Variants in ANKFY1 observed in about 807,000 individuals in gnomAD.
ANKFY1 encodes the protein ankyrin repeat and FYVE domain containing 1, also known as ankyrin repeat and FYVE domain-containing protein 1.
ANKFY1 carries 47 observed loss-of-function variants against 128.3 expected under a neutral mutation model. That is an observed-to-expected ratio of 0.37 (90% CI 0.29 to 0.47). The LOEUF is 0.47. Among genes scored for constraint, ANKFY1 ranks in the 20% least tolerant of loss-of-function variants. ANKFY1 has a pLI of 1.00. For synonymous variants in ANKFY1, 553 were observed against 601.6 expected (o/e 0.92, Z 1.18); for missense variants, 1,222 against 1,510.6 (o/e 0.81, Z 3.17).
intron 11 of ANKFY1, among the ~76,000 whole-genome samples, chr17:4,185,288 C>T (rs897083073): frequency 6.6e-6 from 1 of 152,100 alleles, no homozygotes; most frequent in East Asian, 1.9e-4. Context: ...TCACTGCAAC[C>T]TTTGCCTCCC....
At chr17:4,247,270 A>C (rs1967593731) in intron 1 of ANKFY1, among the ~76,000 whole-genome samples, 1 of 152,206 alleles carries the variant, frequency 6.6e-6, no homozygotes, top group African/African-American at 2.4e-5. Context: ...ATTTCCTTAA[A>C]TATCAGTTAT....
intron 5 of ANKFY1, among the ~76,000 whole-genome samples, chr17:4,208,820 C>A (rs767938417): frequency 6.6e-6 from 1 of 152,078 alleles, no homozygotes; most frequent in Non-Finnish European, 1.5e-5. Context: ...TTTGGGAGGC[C>A]GAGGTGGGCG....
chr17:4,164,492 G>GGTA lies in ANKFY1; in HGVS notation c.*3284_*3286dup, dbSNP rs1597990085. 1 of 152,396 alleles carries GGTA rather than the reference G, an allele frequency of 6.6e-6. No individual in the cohort carries two copies. The highest frequency in any genetic ancestry group is 1.9e-4 in the East Asian group (1 of 5,198). 9.4% of individuals were successfully genotyped at this position (152,396 alleles called of 1,614,324 possible). A position where few individuals can be genotyped will look rare whatever the true frequency, so the allele number is the denominator to read the frequency against. On this transcript the variant is annotated 3_prime_UTR_variant, in exon 25 of 25. Transcript: ENST00000341657. ...TGGGGTGGGGAGCTTTGGTGCTTCA[G>GGTA]GTAGTTCTTCTGGGACTTGTCCCAA...
intron 4 of ANKFY1, among the ~76,000 whole-genome samples, chr17:4,212,945 A>T (rs1020091407): frequency 6.9e-6 from 1 of 144,336 alleles, no homozygotes; most frequent in African/African-American, 2.5e-5. Context: ...TAATTTTTGT[A>T]TTTTTTTTTT....
At chr17:4,257,759 A>C (rs1010611266) in intron 1 of ANKFY1, among the ~76,000 whole-genome samples, 1 of 152,196 alleles carries the variant, frequency 6.6e-6, no homozygotes, top group African/African-American at 2.4e-5. Flanking sequence ...AATAAGCTTT[A>C]GTTCTGGCTA....
rs1280986062 is a variant in ANKFY1, at chr17:4,197,564, A to G, written c.912T>C (p.Ala304=). Residue 304 remains alanine, a synonymous_variant, in exon 8 of 25, where the codon GCT becomes GCC. Coordinates refer to ENST00000341657, the MANE Select transcript of ANKFY1 (RefSeq NM_001330063.2). ...HKGIQRGDLF[A]ATFLIKNGAF... The stretch of plus-strand genomic sequence containing the variant: ...CCCCATTCTTAATGAGGAAAGTGGC[A>G]GCAAAGAGATCTCCTTGAAAAGAAA... 4.3e-6 allele frequency: 7 copies of G among 1,614,044 alleles called. No homozygotes were observed. In the Admixed American group the frequency reaches 1.2e-4, roughly 27 times the overall value.
intron 3 of ANKFY1, among the ~76,000 whole-genome samples, chr17:4,225,894 G>A (rs967540089): frequency 6.6e-6 from 1 of 152,008 alleles, no homozygotes; most frequent in Non-Finnish European, 1.5e-5. Flanking sequence ...CTAAGTAACT[G>A]GGACCACAGG....
chr17:4,251,827 G>C (rs1488247101), intron 1 of ANKFY1, among the ~76,000 whole-genome samples: 1 of 152,082 alleles, frequency 6.6e-6, no homozygotes, highest in Non-Finnish European at 1.5e-5. Context: ...TTGAGGTCAG[G>C]AGTTTGAGAC....
chr17:4,209,580 C>T (rs2060089652), intron 5 of ANKFY1, among the ~76,000 whole-genome samples: 3 of 152,202 alleles, frequency 2.0e-5, no homozygotes, highest in African/African-American at 7.2e-5. Context: ...GAATTGCAGG[C>T]GTGAGCCACC....
At position 4,181,297 on chromosome 17, in the gene ANKFY1, T is replaced by C. The variant is rs750279785; in HGVS notation, c.2197A>G (p.Ile733Val). The change falls in exon 16 of 25, where the codon ATT (isoleucine) becomes GTT (valine). Residue 733 changes from isoleucine (I) to valine (V), a missense_variant. Coordinates refer to ENST00000341657, the MANE Select transcript of ANKFY1 (RefSeq NM_001330063.2). This position sits in a 1 kb window ranked among gnomAD's most constrained non-coding sequence, Gnocchi z 4.9. Reference protein sequence around the residue: ...GCLQTLLHRAIDENNEPTACF... With the variant: ...GCLQTLLHRAVDENNEPTACF... ...GCGGTGGGCTCGTTGTTTTCATCAA[T>C]GGCTCTGTGCAGGAGCGTCTGAAGG... 9.3e-6 allele frequency: 15 copies of C among 1,614,172 alleles called. No homozygotes were observed. The East Asian group carries it at 3.3e-4, about 36-fold the overall frequency.
intron 10 of ANKFY1, chr17:4,191,356 T>C (rs1201425668): frequency 6.6e-6 from 1 of 151,112 alleles, no homozygotes; most frequent in Admixed American, 6.6e-5. Context: ...TAGTTGATGG[T>C]TGCTCTCATC....
Position 4,169,166 on chromosome 17 carries a change from C to A in ANKFY1, c.3377+32G>T. 1 of 1,533,706 alleles carries A rather than the reference C, an allele frequency of 6.5e-7. No homozygotes were observed. The highest frequency in any genetic ancestry group is 1.2e-5 in the South Asian group (1 of 83,682). On this transcript the variant is annotated intron_variant, in intron 24 of 24. Transcript: ENST00000341657. The surrounding 1 kb of genome is among the most constrained non-coding windows in gnomAD (Gnocchi z 5.0). ...AAGCAATGACATCAGCGGCAGTCCCCTCGCTCCTTGCCAGTGACGCTGGGG... is the reference window on the plus strand; with the variant it reads ...AAGCAATGACATCAGCGGCAGTCCCATCGCTCCTTGCCAGTGACGCTGGGG...
At chr17:4,186,745 G>T (rs1337424665) in intron 11 of ANKFY1, 2 of 925,636 alleles carry the variant, frequency 2.2e-6, no homozygotes, top group Non-Finnish European at 2.6e-6. Flanking sequence ...GCTGTCTTCT[G>T]TTCCAGACCT....
At chr17:4,174,196 T>A in intron 19 of ANKFY1, 140 bp from the exon 20 acceptor site, 1 of 916,018 alleles carries the variant, frequency 1.1e-6, no homozygotes, top group Non-Finnish European at 1.6e-6. Context: ...CATAGGAGCT[T>A]CACACACACT....
chr17:4,258,475 G>C (rs1045226057), intron 1 of ANKFY1, among the ~76,000 whole-genome samples: 3 of 147,940 alleles, frequency 2.0e-5, no homozygotes, highest in African/African-American at 7.5e-5. Context: ...AGTGAGCCGA[G>C]ATCGCACCAC....
At chr17:4,179,124 T>G in intron 17 of ANKFY1, 67 bp from the exon 18 acceptor site, 1 of 1,517,970 alleles carries the variant, frequency 6.6e-7, no homozygotes, top group Non-Finnish European at 9.1e-7. Flanking sequence ...TATGAAAGGG[T>G]ATAACTTTTA....
chr17:4,182,369 C>G lies in ANKFY1; in HGVS notation c.1953-20G>C. ...TGAGTCCTGCTAGGACATGCACACC[C>G]AAACCAACGTTTGTGGTTGAACCCA... On this transcript the variant is annotated intron_variant, in intron 14 of 24. Transcript: ENST00000341657. 1 of 1,507,000 alleles carries G rather than the reference C, an allele frequency of 6.6e-7. No homozygotes were observed. 93.4% of individuals were successfully genotyped at this position (1,507,000 alleles called of 1,614,324 possible).
At chr17:4,247,129 GAGAAAA>G (rs1218519658) in intron 1 of ANKFY1, among the ~76,000 whole-genome samples, 2 of 150,548 alleles carry the variant, frequency 1.3e-5, no homozygotes, top group Non-Finnish European at 1.5e-5. Context: ...AAAAAAAAGA[GAGAAAA>G]AGAAAAAGAA....
chr17:4,240,227 G>A (rs529395397), intron 2 of ANKFY1, among the ~76,000 whole-genome samples: 5 of 151,722 alleles, frequency 3.3e-5, no homozygotes, highest in African/African-American at 1.2e-4. Flanking sequence ...ACCACACCTA[G>A]CTAATTTTTT....
Sources: gnomAD v4.1 joint callset for allele counts (sites outside exome capture counted in the v4.1 genomes callset) on GRCh38, gnomAD v4.1.1 for gene constraint, Gnocchi (gnomAD v3.1) non-coding constraint, MANE v1.5 for transcripts, NCBI Gene and HGNC (gene_info 2026-07-23, HGNC 2026-07-21) for gene names.